PPP4R3B: variants seen among roughly 807,000 people sequenced by gnomAD.
PPP4R3B encodes the protein serine/threonine-protein phosphatase 4 regulatory subunit 3B.
A neutral mutation model predicts 95.4 loss-of-function variants in PPP4R3B; 52 were observed. The ratio of observed to expected loss-of-function variants is 0.54; its 90% confidence interval spans 0.44 to 0.69. The LOEUF is 0.69. Among genes scored for constraint, PPP4R3B ranks in the 30% least tolerant of loss-of-function variants. The probability of loss-of-function intolerance (pLI) is 0.00; values close to 1 mark genes in which losing one functional copy is unlikely to be tolerated. For missense variants in PPP4R3B, 1,003 were observed against 1,005.9 expected, an observed-to-expected ratio of 1.00 and a Z score of 0.04; for synonymous variants, 407 against 343.9, an observed-to-expected ratio of 1.18 and a Z score of -2.03.
At chr2:55,556,488 ATAT>A (rs1685860470) in intron 16 of PPP4R3B, among the ~76,000 whole-genome samples, 2 of 152,190 alleles carry the variant, frequency 1.3e-5, no homozygotes, top group Non-Finnish European at 2.9e-5. Flanking sequence ...CAGTATTGAC[ATAT>A]TATTAGAAAT....
intron 5 of PPP4R3B, among the ~76,000 whole-genome samples, chr2:55,588,620 C>T (rs1381338208): frequency 1.3e-5 from 2 of 151,816 alleles, no homozygotes; most frequent in African/African-American, 4.8e-5. Context: ...AGGCACTTAT[C>T]TGATTTGGGG....
chr2:55,574,935 CTTTTT>C (rs70954131), intron 11 of PPP4R3B, among the ~76,000 whole-genome samples: 3 of 99,328 alleles, frequency 3.0e-5, no homozygotes, highest in Non-Finnish European at 2.0e-5. Context: ...TATACAACTT[CTTTTT>C]TTTTTTTTTT....
chr2:55,595,173 GC>G (rs1691593129), intron 4 of PPP4R3B, among the ~76,000 whole-genome samples: 1 of 151,924 alleles, frequency 6.6e-6, no homozygotes, highest in Non-Finnish European at 1.5e-5. Flanking sequence ...ACAGGCACGT[GC>G]CACTGTGCCT....
At chr2:55,599,899 C>A (rs968254430) in intron 3 of PPP4R3B, among the ~76,000 whole-genome samples, 1 of 152,180 alleles carries the variant, frequency 6.6e-6, no homozygotes, top group Non-Finnish European at 1.5e-5. Flanking sequence ...TACCTTCACA[C>A]ATTTCCTTCA....
chr2:55,553,610 A>C (rs1685500589), intron 16 of PPP4R3B, among the ~76,000 whole-genome samples: 2 of 146,250 alleles, frequency 1.4e-5, no homozygotes, highest in African/African-American at 2.6e-5. Context: ...TTCCCCCACC[A>C]CCCCCCACAC....
At chr2:55,582,619 C>T (rs1027028907) in intron 7 of PPP4R3B, among the ~76,000 whole-genome samples, 16 of 152,218 alleles carry the variant, frequency 1.1e-4, no homozygotes, top group African/African-American at 3.9e-4. Flanking sequence ...AAGTGGTAAT[C>T]GTGACAAAAT....
chr2:55,562,498 A>G (rs1686761106), intron 15 of PPP4R3B, among the ~76,000 whole-genome samples: 1 of 152,188 alleles, frequency 6.6e-6, no homozygotes, highest in Admixed American at 6.5e-5. Context: ...ACCATGGTTA[A>G]GATATGCTTG....
Position 55,581,619 on chromosome 2 carries a change from A to G in PPP4R3B, c.1313T>C (p.Met438Thr), listed in dbSNP as rs1272590524. The part of the protein sequence containing the change: ...DPELGGAVQL[M>T]GLLRTLIDPE... ...ATCAATTAGAGTACGAAGAAGTCCC[A>G]TTAACTGAACAGCGCCTCCTAGCTC... Residue 438 changes from methionine to threonine, a missense_variant, in exon 8 of 17, where the codon ATG (methionine) becomes ACG (threonine). Around this residue, in one of 3 missense-constraint regions of PPP4R3B, gnomAD observed 695 missense variants for 686.2 expected, o/e 1.01. Transcript: ENST00000616407. 18 of 1,613,854 alleles carry G rather than the reference A, an allele frequency of 1.1e-5. No homozygotes were observed. Among genetic ancestry groups the G allele is most frequent in the Non-Finnish European group, 1.5e-5 (18 of 1,179,848 alleles).
chr2:55,602,080 T>C (rs1044830944), intron 3 of PPP4R3B, among the ~76,000 whole-genome samples: 3 of 152,162 alleles, frequency 2.0e-5, no homozygotes, highest in Non-Finnish European at 4.4e-5. Flanking sequence ...CTGTACAAGT[T>C]TATGATAAGG....
chr2:55,591,855 TAATC>T (rs1691076662), intron 4 of PPP4R3B, among the ~76,000 whole-genome samples: 2 of 152,172 alleles, frequency 1.3e-5, no homozygotes, highest in South Asian at 2.1e-4. Context: ...AGGAAGCAAA[TAATC>T]AATAACTTAA....
chr2:55,598,997 T>C lies in PPP4R3B; in HGVS notation c.340A>G (p.Ile114Val), dbSNP rs753368904. ...AATCGTTCTTCTTCAGATTCATCAA[T>C]GAGGTCCTGTGTGACTTCCACTGAT... ...DPSVEVTQDL[I>V]DESEEERFEE... The change falls in exon 4 of 17, where the codon ATT (isoleucine) becomes GTT (valine). Residue 114 changes from isoleucine (I) to valine (V), a missense_variant. By Grantham distance (29) the Ile-to-Val change is conservative (BLOSUM62 3). Around this residue, in one of 3 missense-constraint regions of PPP4R3B, gnomAD observed 695 missense variants for 686.2 expected, o/e 1.01. Transcript: ENST00000616407. The C allele has an allele frequency of 1.9e-6, 3 of 1,614,026 alleles. No individual in the cohort carries two copies. Among genetic ancestry groups the C allele is most frequent in the East Asian group, 2.2e-5 (1 of 44,878 alleles).
At chr2:55,604,131 A>G in intron 2 of PPP4R3B, 55 bp from the exon 3 acceptor site, 1 of 1,370,712 alleles carries the variant, frequency 7.3e-7, no homozygotes, top group African/African-American at 1.5e-5. Context: ...GTATCTACAA[A>G]GTACAAATAG....
intron 5 of PPP4R3B, among the ~76,000 whole-genome samples, chr2:55,587,143 G>A (rs1384383162): frequency 6.6e-6 from 1 of 152,142 alleles, no homozygotes; most frequent in Non-Finnish European, 1.5e-5. Flanking sequence ...GCTATAAAAG[G>A]CAAATGAAAG....
chr2:55,601,666 C>T (rs548929565), intron 3 of PPP4R3B, among the ~76,000 whole-genome samples: 6 of 152,116 alleles, frequency 3.9e-5, no homozygotes, highest in Non-Finnish European at 8.8e-5. Flanking sequence ...AGGCATGAGC[C>T]ACTGCGCCCA....
chr2:55,583,102 T>C (rs1689646860), intron 7 of PPP4R3B, among the ~76,000 whole-genome samples: 1 of 152,166 alleles, frequency 6.6e-6, no homozygotes. Context: ...AGGAAATGTT[T>C]GAATGCTGAG....
At chr2:55,570,495 A>G (rs1327956562) in intron 12 of PPP4R3B, among the ~76,000 whole-genome samples, 3 of 152,228 alleles carry the variant, frequency 2.0e-5, no homozygotes, top group Non-Finnish European at 4.4e-5. Flanking sequence ...AAATTTAGCA[A>G]TATTACTGCT....
At chr2:55,579,560 GT>G (rs1396432204) in intron 9 of PPP4R3B, 118 bp downstream of exon 9, 2 of 550,208 alleles carry the variant, frequency 3.6e-6, no homozygotes, top group Non-Finnish European at 5.9e-6. Flanking sequence ...TGCAGTTTAA[GT>G]TTTTCAGTCG....
At chr2:55,580,379 C>G (rs1447943206) in intron 8 of PPP4R3B, among the ~76,000 whole-genome samples, 1 of 151,956 alleles carries the variant, frequency 6.6e-6, no homozygotes, top group East Asian at 1.9e-4. Context: ...TTGAGTTTTT[C>G]CCAAGAAAGT....
At chr2:55,572,512 CAAT>C (rs1688139805) in intron 12 of PPP4R3B, among the ~76,000 whole-genome samples, 1 of 152,080 alleles carries the variant, frequency 6.6e-6, no homozygotes, top group Non-Finnish European at 1.5e-5. Flanking sequence ...ATTAGAATAA[CAAT>C]GAGATACCAC....
Sources: allele counts gnomAD v4.1 joint callset (sites outside exome capture counted in the v4.1 genomes callset), GRCh38; gene constraint gnomAD v4.1.1; regional missense constraint gnomAD v4.1.1; transcripts MANE v1.5; gene names NCBI Gene and HGNC (gene_info 2026-07-23, HGNC 2026-07-21).